Variants in PARL observed in about 807,000 individuals in gnomAD.
PARL encodes presenilin-associated rhomboid-like protein, mitochondrial.
A neutral mutation model predicts 51.6 loss-of-function variants in PARL; 44 were observed. That is an observed-to-expected ratio of 0.85 (90% CI 0.67 to 1.10). PARL has a LOEUF of 1.10. Among genes scored for constraint, PARL ranks in the 50% least tolerant of loss-of-function variants. The pLI, the probability that PARL is intolerant of heterozygous loss-of-function variation, is 0.00. For missense variants in PARL, 441 were observed against 469.5 expected (o/e 0.94, Z 0.56); for synonymous variants, 172 against 164.0 (o/e 1.05, Z -0.37).
chr3:183,862,923 C>A, intron 3 of PARL, 122 bp from the exon 4 acceptor site: 1 of 788,202 alleles, frequency 1.3e-6, no homozygotes, highest in South Asian at 1.4e-5. Context: ...CACTGGTGGT[C>A]ACAGACATAA....
chr3:183,876,699 A>G (rs2108708940), intron 1 of PARL, among the ~76,000 whole-genome samples: 1 of 151,748 alleles, frequency 6.6e-6, no homozygotes, highest in East Asian at 1.9e-4. Context: ...GGCAATAGCC[A>G]CAGAGTGATT....
At chr3:183,857,136 G>A (rs1731265976) in intron 4 of PARL, among the ~76,000 whole-genome samples, 1 of 152,208 alleles carries the variant, frequency 6.6e-6, no homozygotes, top group Admixed American at 6.5e-5. Context: ...GGCCAAGGCA[G>A]GAGGATCACT....
At chr3:183,876,246 C>T (rs1488022421) in intron 1 of PARL, among the ~76,000 whole-genome samples, 3 of 152,072 alleles carry the variant, frequency 2.0e-5, no homozygotes, top group Non-Finnish European at 4.4e-5. Context: ...GGGGTTTCAC[C>T]GTGTTGGCCA....
At chr3:183,860,019 T>C (rs564785734) in intron 4 of PARL, among the ~76,000 whole-genome samples, 16 of 150,840 alleles carry the variant, frequency 1.1e-4, no homozygotes, top group Non-Finnish European at 2.1e-4. Flanking sequence ...AAAAACTCTC[T>C]AGGTCAAACT....
chr3:183,840,551 T>G lies in PARL; in HGVS notation c.828+19A>C. 1 of 1,228,772 alleles carries G rather than the reference T, an allele frequency of 8.1e-7. No homozygotes were observed. The highest frequency in any genetic ancestry group is 1.5e-5 in the African/African-American group (1 of 65,974). 76.1% of individuals were successfully genotyped at this position (1,228,772 alleles called of 1,614,324 possible). A position where few individuals can be genotyped will look rare whatever the true frequency, so the allele number is the denominator to read the frequency against. On this transcript the variant is annotated intron_variant, in intron 7 of 9. Coordinates refer to ENST00000317096, the MANE Select transcript of PARL (RefSeq NM_018622.7). ...ATTTAAAAATTAAATTAAAAAAAAT[T>G]TACAATAGAAATACTTACTGCACCA...
rs1734951026 is a variant in PARL, at chr3:183,884,797, C to G, written c.50G>C (p.Trp17Ser). 1 of 1,595,068 alleles carries G rather than the reference C, an allele frequency of 6.3e-7. No homozygotes were observed. Among genetic ancestry groups the G allele is most frequent in the African/African-American group, 1.3e-5 (1 of 74,838 alleles). Residue 17 changes from tryptophan (W) to serine (S), a missense_variant, in exon 1 of 10, where the codon TGG (tryptophan) becomes TCG (serine). Transcript: ENST00000317096. ...GCTGCGGCCGCCCACCGACGCACCC[C>G]ACGCCTGGCCGCAGCCCCAGCCTCT... Reference protein sequence around the residue: ...AQRGWGCGQAWGASVGGRSCE... With the variant: ...AQRGWGCGQASGASVGGRSCE...
At chr3:183,842,479 A>G in intron 5 of PARL, 32 bp from the exon 6 acceptor site, 1 of 1,601,906 alleles carries the variant, frequency 6.2e-7, no homozygotes, top group Non-Finnish European at 8.5e-7. Context: ...TCTGGTAATC[A>G]TGAAACACAC....
intron 1 of PARL, among the ~76,000 whole-genome samples, chr3:183,877,291 A>T (rs745814240): frequency 2.0e-5 from 3 of 152,232 alleles, no homozygotes; most frequent in Admixed American, 2.0e-4. Context: ...CAATCTCATG[A>T]TCAAACTTGA....
rs111461073 is a variant in PARL, at chr3:183,867,991, T to C, written c.195A>G (p.Ser65=). ...ATGCTTCACCACTTGTCCCTGGGTC[T>C]GATCTTCGAGGTTCAACCTTCCTGG... ...KAPRKVEPRR[S]DPGTSGEAYK... is the part of the protein sequence containing the mutation. The change falls in exon 2 of 10, where the codon TCA becomes TCG. Residue 65 remains serine (S), a synonymous_variant. Transcript: ENST00000317096. 6.2e-7 allele frequency: 1 copy of C among 1,614,170 alleles called. No individual in the cohort carries two copies. Among genetic ancestry groups the C allele is most frequent in the South Asian group, 1.1e-5 (1 of 91,084 alleles).
chr3:183,834,048 G>C (rs1301903666), intron 7 of PARL, among the ~76,000 whole-genome samples: 2 of 152,116 alleles, frequency 1.3e-5, no homozygotes, highest in African/African-American at 4.8e-5. Flanking sequence ...TTTTACTACG[G>C]GGCAGTAAGA....
chr3:183,855,079 T>C (rs145713803), intron 4 of PARL, among the ~76,000 whole-genome samples: 8 of 151,916 alleles, frequency 5.3e-5, no homozygotes, highest in African/African-American at 1.2e-4. Context: ...TTGATGTATA[T>C]GAAATCTCCA....
In PARL at chr3:183,842,377, C is replaced by T. The variant is rs773530392; in HGVS notation, c.678G>A (p.Met226Ile). Residue 226 changes from methionine (M) to isoleucine (I), a missense_variant, in exon 6 of 10, where the codon ATG (methionine) becomes ATA (isoleucine). Physicochemically the swap from Met to Ile is conservative, Grantham distance 10. Coordinates refer to ENST00000317096, the MANE Select transcript of PARL (RefSeq NM_018622.7). ...TGGAAGAGAAGCTCCACAAAACATA[C>T]ATATTTGCTGCCATGTGAAATAAGG... is the stretch of plus-strand genomic sequence containing the variant. ...HFSLFHMAAN[M>I]YVLWSFSSSI... 1 of 1,613,778 alleles carries T rather than the reference C, an allele frequency of 6.2e-7. No individual in the cohort carries two copies. Among genetic ancestry groups the T allele is most frequent in the South Asian group, 1.1e-5 (1 of 91,070 alleles).
chr3:183,849,966 A>G (rs1034691112), intron 4 of PARL, among the ~76,000 whole-genome samples: 1 of 152,240 alleles, frequency 6.6e-6, no homozygotes, highest in African/African-American at 2.4e-5. Context: ...AGAAAGATAC[A>G]AACTACTAAA....
chr3:183,833,329 A>C (rs1482594785), intron 9 of PARL, among the ~76,000 whole-genome samples, 163 bp downstream of exon 9: 1 of 152,190 alleles, frequency 6.6e-6, no homozygotes, highest in African/African-American at 2.4e-5. Flanking sequence ...AACCCAAAGC[A>C]AGCCACGTTG....
At chr3:183,860,564 T>C (rs1192034556) in intron 4 of PARL, among the ~76,000 whole-genome samples, 2 of 152,200 alleles carry the variant, frequency 1.3e-5, no homozygotes, top group Admixed American at 1.3e-4. Context: ...GCCAAATGGC[T>C]GATTTGATTT....
chr3:183,838,822 G>A (rs577525891), intron 7 of PARL, among the ~76,000 whole-genome samples: 1 of 152,280 alleles, frequency 6.6e-6, no homozygotes, highest in African/African-American at 2.4e-5. Context: ...CTGTCCAAGA[G>A]CACATCAAAA....
At chr3:183,832,082 T>C (rs1728003433) in intron 9 of PARL, among the ~76,000 whole-genome samples, 1 of 152,210 alleles carries the variant, frequency 6.6e-6, no homozygotes, top group Non-Finnish European at 1.5e-5. Flanking sequence ...TTTCTACTAT[T>C]TATACTGCAC....
chr3:183,837,356 CA>C (rs1728743198), intron 7 of PARL, among the ~76,000 whole-genome samples: 1 of 152,166 alleles, frequency 6.6e-6, no homozygotes, highest in Non-Finnish European at 1.5e-5. Context: ...GATAGCCTAG[CA>C]AAAGAGACCT....
At chr3:183,831,251 C>T (rs1181906962) in intron 9 of PARL, among the ~76,000 whole-genome samples, 1 of 152,266 alleles carries the variant, frequency 6.6e-6, no homozygotes, top group African/African-American at 2.4e-5. Context: ...GCTGGGATTA[C>T]AGGCGTGAGC....
Sources: allele counts gnomAD v4.1 joint callset (sites outside exome capture counted in the v4.1 genomes callset), GRCh38; gene constraint gnomAD v4.1.1; transcripts MANE v1.5; gene names NCBI Gene and HGNC (gene_info 2026-07-23, HGNC 2026-07-21).